VPS13A: variants seen among roughly 807,000 people sequenced by gnomAD.
VPS13A encodes the protein intermembrane lipid transfer protein VPS13A.
A neutral mutation model predicts 390.9 loss-of-function variants in VPS13A; 264 were observed. That is an observed-to-expected ratio of 0.68 (90% CI 0.61 to 0.75). The LOEUF (loss-of-function observed/expected upper bound fraction) is 0.75. Ranked by LOEUF, VPS13A falls within the 30% of genes least tolerant of loss-of-function variation. The pLI is 0.00. For missense variants in VPS13A, 3,409 were observed against 3,733.9 expected, an observed-to-expected ratio of 0.91 and a Z score of 2.27; for synonymous variants, 1,231 against 1,227.1, an observed-to-expected ratio of 1.00 and a Z score of -0.07.
chr9:77,319,686 A>C lies in VPS13A; in HGVS notation c.5415+13A>C. 1 of 1,387,538 alleles carries C rather than the reference A, an allele frequency of 7.2e-7. No homozygotes were observed. The highest frequency in any genetic ancestry group is 1.0e-6 in the Non-Finnish European group (1 of 978,878). 86.0% of individuals were successfully genotyped at this position (1,387,538 alleles called of 1,614,324 possible). On this transcript the variant is annotated intron_variant, in intron 42 of 71. Coordinates refer to ENST00000360280, the MANE Select transcript of VPS13A (RefSeq NM_033305.3). ...TCTTGGTATCAAGGTATATCTATAT[A>C]TGTCTATGTGTGTATATATATATAT...
Position 77,318,636 on chromosome 9 carries a change from G to A in VPS13A, c.5313+45G>A, listed in dbSNP as rs530079251. The A allele has an allele frequency of 1.7e-5, 24 of 1,392,186 alleles. No individual in the cohort carries two copies. The Middle Eastern group carries it at 7.2e-4, about 42-fold the overall frequency. 86.2% of individuals were successfully genotyped at this position (1,392,186 alleles called of 1,614,324 possible). Reference sequence around the variant, plus strand: ...TTTATAACAGATAATGATACGTATGGAATATTATGACAGATAATGATACAT... The same window carrying A: ...TTTATAACAGATAATGATACGTATGAAATATTATGACAGATAATGATACAT... On this transcript the variant is annotated intron_variant, in intron 41 of 71. Coordinates refer to ENST00000360280, the MANE Select transcript of VPS13A (RefSeq NM_033305.3).
At chr9:77,230,486 A>G (rs557460804) in intron 17 of VPS13A, among the ~76,000 whole-genome samples, 1 of 152,126 alleles carries the variant, frequency 6.6e-6, no homozygotes, top group Non-Finnish European at 1.5e-5. Flanking sequence ...TGAAAAAACT[A>G]TTTTTTCCCA....
chr9:77,401,704 C>CTAAG (rs1834403831), intron 68 of VPS13A, among the ~76,000 whole-genome samples: 2 of 152,160 alleles, frequency 1.3e-5, no homozygotes, highest in African/African-American at 2.4e-5. Context: ...TTCTTTTCAT[C>CTAAG]TAAGTTTTCA....
chr9:77,341,588 A>G (rs1830812013), intron 50 of VPS13A, among the ~76,000 whole-genome samples: 1 of 150,206 alleles, frequency 6.7e-6, no homozygotes, highest in South Asian at 2.1e-4. Flanking sequence ...TAAATCAGAC[A>G]TGTTGGACAT....
In VPS13A at chr9:77,308,073, T is replaced by C. The variant is rs1828872064; in HGVS notation, c.4089T>C (p.Thr1363=). Residue 1363 remains threonine, a synonymous_variant, in exon 35 of 72, where the codon ACT becomes ACC. Coordinates refer to ENST00000360280, the MANE Select transcript of VPS13A (RefSeq NM_033305.3). The part of the protein sequence containing the change: ...KDQYSATSGV[T]TNASHHSGGA... ...AATACAGTGCCACTAGTGGAGTTAC[T>C]ACTAATGCTTCACACCATTCAGGAG... 6.2e-7 allele frequency: 1 copy of C among 1,613,984 alleles called. No individual in the cohort carries two copies. Among genetic ancestry groups the C allele is most frequent in the African/African-American group, 1.3e-5 (1 of 75,044 alleles).
chr9:77,202,737 C>T (rs1825404611), intron 3 of VPS13A, among the ~76,000 whole-genome samples: 1 of 152,088 alleles, frequency 6.6e-6, no homozygotes, highest in South Asian at 2.1e-4. Context: ...CCCGCCTTCT[C>T]TTTTCTTGCC....
intron 14 of VPS13A, among the ~76,000 whole-genome samples, 176 bp downstream of exon 14, chr9:77,226,164 A>G (rs914518248): frequency 6.6e-6 from 1 of 152,166 alleles, no homozygotes; most frequent in Non-Finnish European, 1.5e-5. Context: ...TAAATCAGAC[A>G]GATTTCTATG....
At chr9:77,276,344 CCTTTTTGAGTTAAT>C (rs1826669826) in intron 26 of VPS13A, 123 bp downstream of exon 26, 1 of 918,418 alleles carries the variant, frequency 1.1e-6, no homozygotes, top group Admixed American at 3.2e-5. Flanking sequence ...GAGAACCATT[CCTTTTTGAGTTAAT>C]CTTTAACTTT....
intron 1 of VPS13A, among the ~76,000 whole-genome samples, chr9:77,195,467 T>C (rs1824937852): frequency 6.6e-6 from 1 of 151,614 alleles, no homozygotes; most frequent in Non-Finnish European, 1.5e-5. Context: ...CCCGGTGCAG[T>C]GGCTCACGCC....
At chr9:77,362,716 C>G (rs896425402) in intron 59 of VPS13A, among the ~76,000 whole-genome samples, 2 of 152,106 alleles carry the variant, frequency 1.3e-5, no homozygotes. Context: ...GTATTGCCAT[C>G]CTAACAGTAT....
intron 1 of VPS13A, among the ~76,000 whole-genome samples, chr9:77,186,094 G>A (rs1423837470): frequency 2.0e-5 from 3 of 152,098 alleles, no homozygotes; most frequent in African/African-American, 7.2e-5. Context: ...CTCTAGCCTG[G>A]GCGACAGTGC....
chr9:77,373,147 T>C (rs1473830461), intron 67 of VPS13A, among the ~76,000 whole-genome samples: 2 of 151,758 alleles, frequency 1.3e-5, no homozygotes, highest in Non-Finnish European at 2.9e-5. Flanking sequence ...TTAAAGTTCA[T>C]ATGGAACCAA....
chr9:77,330,988 G>T (rs1454840888), intron 45 of VPS13A, among the ~76,000 whole-genome samples: 1 of 152,002 alleles, frequency 6.6e-6, no homozygotes, highest in Non-Finnish European at 1.5e-5. Flanking sequence ...TGTTCACCTT[G>T]TTTTGCTATG....
intron 10 of VPS13A, among the ~76,000 whole-genome samples, chr9:77,219,654 A>AT (rs1033053511): frequency 2.8e-4 from 42 of 151,848 alleles, no homozygotes; most frequent in African/African-American, 7.5e-4. Flanking sequence ...TATTAAAACT[A>AT]TTTTTTTGAT....
intron 31 of VPS13A, among the ~76,000 whole-genome samples, chr9:77,290,898 A>C (rs1198706697): frequency 1.3e-5 from 2 of 152,178 alleles, no homozygotes; most frequent in African/African-American, 2.4e-5. Flanking sequence ...TAAAAATTTT[A>C]GTTTCAACAT....
intron 68 of VPS13A, among the ~76,000 whole-genome samples, chr9:77,394,589 C>T (rs1834049268): frequency 1.3e-5 from 2 of 152,128 alleles, no homozygotes; most frequent in East Asian, 1.9e-4. Flanking sequence ...CAAGAGAATC[C>T]GACTGTCTTT....
chr9:77,340,593 T>C, intron 50 of VPS13A, 43 bp downstream of exon 50: 2 of 1,608,926 alleles, frequency 1.2e-6, no homozygotes, highest in Non-Finnish European at 1.7e-6. Flanking sequence ...TGGATTCTAT[T>C]TTCTCCTTGA....
At chr9:77,358,714 A>G (rs1245790130) in intron 57 of VPS13A, among the ~76,000 whole-genome samples, 1 of 152,254 alleles carries the variant, frequency 6.6e-6, no homozygotes, top group African/African-American at 2.4e-5. Flanking sequence ...GCGATTTAAA[A>G]ACCTTTAAAG....
intron 68 of VPS13A, chr9:77,384,662 TGA>T (rs1334378530): frequency 1.9e-6 from 3 of 1,599,070 alleles, no homozygotes; most frequent in Non-Finnish European, 2.6e-6. Flanking sequence ...ATGATGATGA[TGA>T]GTCAGATCTA....
Sources: allele counts gnomAD v4.1 joint callset (sites outside exome capture counted in the v4.1 genomes callset), GRCh38; gene constraint gnomAD v4.1.1; transcripts MANE v1.5; gene names NCBI Gene and HGNC (gene_info 2026-07-23, HGNC 2026-07-21).